The following KCNIP1 variants were observed in gnomAD, a reference collection of about 807,000 sequenced individuals.
KCNIP1 encodes A-type potassium channel modulatory protein KCNIP1.
Under a neutral mutation model 33.0 loss-of-function variants are expected in KCNIP1, and 18 were observed. The ratio of observed to expected loss-of-function variants is 0.55; its 90% CI spans 0.38 to 0.81. The LOEUF (loss-of-function observed/expected upper bound fraction) is 0.81. Among genes scored for constraint, KCNIP1 ranks in the 30% least tolerant of loss-of-function variants. KCNIP1 has a pLI of 0.00. For missense variants in KCNIP1, 238 were observed against 271.6 expected, an observed-to-expected ratio of 0.88 and a Z score of 0.87; for synonymous variants, 93 against 98.3, an observed-to-expected ratio of 0.95 and a Z score of 0.32.
intron 1 of KCNIP1, among the ~76,000 whole-genome samples, chr5:170,588,701 T>G (rs976796281): frequency 6.6e-6 from 1 of 152,206 alleles, no homozygotes; most frequent in African/African-American, 2.4e-5. Flanking sequence ...CTGGAAGCTT[T>G]ATCCCAAGGC....
chr5:170,704,768 T>G lies in KCNIP1; in HGVS notation c.62-13990T>G, dbSNP rs570617209. On this transcript the variant is annotated intron_variant, in intron 1 of 7. Coordinates refer to ENST00000328939, the MANE Select transcript of KCNIP1 (RefSeq NM_014592.4). ...TTTTTATTTCTCCTGCCATACAACC[T>G]TCTTTTTATTTAAAATAGATTTAAG... 2.0e-5 allele frequency among the ~76,000 whole-genome samples: 3 copies of G among 152,324 alleles called. No homozygotes were observed. In the East Asian group the frequency reaches 5.8e-4, roughly 29 times the overall value.
In KCNIP1 at chr5:170,735,992, G is replaced by A. The variant is rs1764375353; in HGVS notation, c.*186G>A. 3.5e-6 allele frequency: 2 copies of A among 571,544 alleles called. No homozygotes were observed. Among genetic ancestry groups the A allele is most frequent in the Admixed American group, 3.0e-5 (1 of 33,360 alleles). 35.4% of individuals were successfully genotyped at this position (571,544 alleles called of 1,614,324 possible). A position where few individuals can be genotyped will look rare whatever the true frequency, so the allele number is the denominator to read the frequency against. ...GCATCATGTGGCTCAGTCTCTGATT[G>A]CCAACTCTTCCTCTTTCTTCTTCTT... On this transcript the variant is annotated 3_prime_UTR_variant, in exon 8 of 8. Coordinates refer to ENST00000328939, the MANE Select transcript of KCNIP1 (RefSeq NM_014592.4).
intron 1 of KCNIP1, among the ~76,000 whole-genome samples, chr5:170,429,240 G>A (rs928085107): frequency 4.6e-5 from 7 of 152,042 alleles, no homozygotes; most frequent in Non-Finnish European, 7.4e-5. Context: ...AAAACACAGG[G>A]CTAGACTGGG....
intron 1 of KCNIP1, among the ~76,000 whole-genome samples, chr5:170,429,795 C>G (rs1581184606): frequency 6.6e-6 from 1 of 152,180 alleles, no homozygotes; most frequent in Non-Finnish European, 1.5e-5. Flanking sequence ...AAAGACGCCT[C>G]ACAGAATTTT....
chr5:170,557,089 A>G (rs1756869752), intron 1 of KCNIP1, among the ~76,000 whole-genome samples: 1 of 152,134 alleles, frequency 6.6e-6, no homozygotes, highest in Admixed American at 6.5e-5. Context: ...GCCTTCTCCC[A>G]TGCTCCAGTC....
At position 170,667,829 on chromosome 5, in the gene KCNIP1, C is replaced by T. The variant is rs142376525; in HGVS notation, c.62-50929C>T. Among the ~76,000 whole-genome samples, 19 of 152,318 alleles carry T rather than the reference C, an allele frequency of 1.2e-4. No individual in the cohort carries two copies. In the East Asian group the frequency reaches 1.7e-3, roughly 14 times the overall value. On this transcript the variant is annotated intron_variant, in intron 1 of 7. Transcript: ENST00000328939. ...GAGTAAGCAGCCAATTAATATTACT[C>T]GAGTTACTGTTTTTATTACTTCATC...
At chr5:170,609,933 T>C (rs1216808790) in intron 1 of KCNIP1, among the ~76,000 whole-genome samples, 1 of 152,064 alleles carries the variant, frequency 6.6e-6, no homozygotes, top group South Asian at 2.1e-4. Flanking sequence ...AATGGAAAAA[T>C]GCAAGAAAAA....
chr5:170,658,070 A>C (rs1218707876), intron 1 of KCNIP1, among the ~76,000 whole-genome samples: 1 of 152,232 alleles, frequency 6.6e-6, no homozygotes, highest in Non-Finnish European at 1.5e-5. Flanking sequence ...CATTGCAGGC[A>C]GAGGGATCAG....
chr5:170,546,889 TCTGA>T (rs1292035872), intron 1 of KCNIP1, among the ~76,000 whole-genome samples: 22 of 152,346 alleles, frequency 1.4e-4, no homozygotes, highest in African/African-American at 4.8e-4. Flanking sequence ...TTTTTGAATC[TCTGA>T]CTTTCTATCT....
At chr5:170,517,265 C>T (rs941863196) in intron 1 of KCNIP1, among the ~76,000 whole-genome samples, 2 of 152,048 alleles carry the variant, frequency 1.3e-5, no homozygotes, top group African/African-American at 4.8e-5. Flanking sequence ...TTTTAAACAA[C>T]CAGATTTCAT....
At chr5:170,710,641 C>T (rs1007437155) in intron 1 of KCNIP1, among the ~76,000 whole-genome samples, 2 of 152,192 alleles carry the variant, frequency 1.3e-5, no homozygotes, top group Non-Finnish European at 2.9e-5. Context: ...TTCATGCAGG[C>T]TGCCTTGGTA....
intron 1 of KCNIP1, among the ~76,000 whole-genome samples, chr5:170,643,681 C>T (rs1760668709): frequency 6.6e-6 from 1 of 152,232 alleles, no homozygotes; most frequent in Non-Finnish European, 1.5e-5. Flanking sequence ...GGCAGGGTCC[C>T]TGCCTGTCTC....
At chr5:170,500,187 G>A (rs539370605), upstream of KCNIP1, among the ~76,000 whole-genome samples, 229 of 152,224 alleles carry the variant, frequency 1.5e-3, 3 homozygotes, top group South Asian at 1.2e-3. Flanking sequence ...TCCTTGTAAG[G>A]ACACTAACTC....
intron 1 of KCNIP1, among the ~76,000 whole-genome samples, chr5:170,476,698 A>G (rs187360551): frequency 9.2e-5 from 14 of 152,278 alleles, no homozygotes; most frequent in Middle Eastern, 6.8e-3. Context: ...GGTACAGAAA[A>G]TCGCCTGTTT....
chr5:170,626,133 G>A (rs1488471437), intron 1 of KCNIP1, among the ~76,000 whole-genome samples: 1 of 152,200 alleles, frequency 6.6e-6, no homozygotes, highest in African/African-American at 2.4e-5. Context: ...GGAGGGATAT[G>A]ATCATGCCTG....
chr5:170,493,228 G>A (rs115657813), intron 1 of KCNIP1, among the ~76,000 whole-genome samples: 93 of 152,274 alleles, frequency 6.1e-4, no homozygotes, highest in African/African-American at 2.2e-3. Flanking sequence ...GCTGAACTGA[G>A]GACACTCAGG....
chr5:170,605,964 G>A (rs1238818068), intron 1 of KCNIP1, among the ~76,000 whole-genome samples: 1 of 151,950 alleles, frequency 6.6e-6, no homozygotes, highest in Non-Finnish European at 1.5e-5. Flanking sequence ...TAGTAGCGAC[G>A]GGGTTTTGCC....
At chr5:170,449,137 G>C (rs766058617) in intron 1 of KCNIP1, among the ~76,000 whole-genome samples, 20 of 152,234 alleles carry the variant, frequency 1.3e-4, no homozygotes, top group South Asian at 4.1e-4. Flanking sequence ...CTATTTAGAA[G>C]AGAGGTAGTG....
At chr5:170,390,502 C>CAAAAAA (rs1296285736) in intron 1 of KCNIP1, among the ~76,000 whole-genome samples, 6 of 35,784 alleles carry the variant, frequency 1.7e-4, no homozygotes, top group Admixed American at 2.9e-4. Context: ...GACCCCGTCT[C>CAAAAAA]AAAAAAAAAA....
Sources: gnomAD v4.1 joint callset for allele counts (sites outside exome capture counted in the v4.1 genomes callset) on GRCh38, gnomAD v4.1.1 for gene constraint, MANE v1.5 for transcripts, NCBI Gene and HGNC (gene_info 2026-07-23, HGNC 2026-07-21) for gene names.